FBXO10: variants seen among roughly 807,000 people sequenced by gnomAD.
The protein encoded by FBXO10 is F-box protein 10.
In FBXO10, 39 loss-of-function variants were observed where a neutral mutation model predicts 80.7. That is an observed-to-expected ratio of 0.48 (90% CI 0.37 to 0.63). The LOEUF (loss-of-function observed/expected upper bound fraction) is 0.63, where lower values mean the gene tolerates loss of function less well. Among genes scored for constraint, FBXO10 ranks in the 30% least tolerant of loss-of-function variants. The probability of loss-of-function intolerance (pLI) is 0.00; values close to 1 mark genes in which losing one functional copy is unlikely to be tolerated. For missense variants in FBXO10, 1,025 were observed against 1,269.0 expected (o/e 0.81, Z 2.92); for synonymous variants, 449 against 489.6 (o/e 0.92, Z 1.09).
rs761913365 is a variant in FBXO10, at chr9:37,512,659, C to A, written c.2759G>T (p.Arg920Leu). ...CTGCCCATTGTGGGCTGCCGAGGGA[C>A]GTCTGAGAGAATTTTCAAGGTGGGG... ...ARPHLENSLR[R>L]PSAAHNGQKV... The change falls in exon 11 of 11, where the codon CGT (arginine) becomes CTT (leucine). Residue 920 changes from arginine to leucine, a missense_variant. Physicochemically the swap from Arg to Leu is moderately radical, Grantham distance 102. Around this residue, in one of 3 missense-constraint regions of FBXO10, gnomAD observed 97 missense variants for 101.8 expected, o/e 0.95. Coordinates refer to ENST00000432825, the MANE Select transcript of FBXO10 (RefSeq NM_012166.3). The A allele has an allele frequency of 3.1e-6, 5 of 1,613,848 alleles. No homozygotes were observed. The highest frequency in any genetic ancestry group is 2.7e-5 in the African/African-American group (2 of 74,910).
At chr9:37,575,145 G>A (rs1822861525) in intron 1 of FBXO10, among the ~76,000 whole-genome samples, 1 of 150,270 alleles carries the variant, frequency 6.7e-6, no homozygotes, top group Non-Finnish European at 1.5e-5. Context: ...TTTTTTTTTC[G>A]GTGGCTACAC....
chr9:37,542,490 G>A, intron 1 of FBXO10, among the ~76,000 whole-genome samples: 1 of 151,542 alleles, frequency 6.6e-6, no homozygotes, highest in East Asian at 2.0e-4. Flanking sequence ...AGCTACTTGG[G>A]AGTCTGAGGC....
Position 37,541,305 on chromosome 9 carries a change from A to C in FBXO10, c.464T>G (p.Ile155Ser). ...GEIILKVPVE[I>S]VGQGKLGEVA... is the part of the protein sequence containing the mutation. ...TTCACCCAACTTCCCCTGCCCTACA[A>C]TCTCCACAGGCACCTTCAAGATGAT... Residue 155 changes from isoleucine (I) to serine (S), a missense_variant, in exon 2 of 11, where the codon ATT (isoleucine) becomes AGT (serine). Coordinates refer to ENST00000432825, the MANE Select transcript of FBXO10 (RefSeq NM_012166.3). The C allele has an allele frequency of 6.2e-7, 1 of 1,613,920 alleles. No homozygotes were observed. Among genetic ancestry groups the C allele is most frequent in the Non-Finnish European group, 8.5e-7 (1 of 1,179,864 alleles).
At chr9:37,516,129 G>A (rs1324332950) in intron 9 of FBXO10, 44 bp from the exon 10 acceptor site, 1 of 1,579,066 alleles carries the variant, frequency 6.3e-7, no homozygotes, top group Non-Finnish European at 8.6e-7. Context: ...GGGATTCACA[G>A]ACTGAGTGGG....
intron 7 of FBXO10, chr9:37,522,550 T>C (rs2119067824): frequency 5.8e-6 from 7 of 1,206,346 alleles, no homozygotes; most frequent in Non-Finnish European, 7.2e-6. Context: ...GAAATGGTCC[T>C]GTCCTTAAGA....
rs184096139 is a variant in FBXO10, at chr9:37,523,375, T to A, written c.1778-398A>T. Among the ~76,000 whole-genome samples the A allele has an allele frequency of 2.8e-5, 4 of 142,576 alleles. No homozygotes were observed. In the Admixed American group the frequency reaches 2.9e-4, roughly 10 times the overall value. 93.5% of individuals were successfully genotyped at this position (142,576 alleles called of 152,430 possible). A position where few individuals can be genotyped will look rare whatever the true frequency, so the allele number is the denominator to read the frequency against. On this transcript the variant is annotated intron_variant, in intron 6 of 10. Coordinates refer to ENST00000432825, the MANE Select transcript of FBXO10 (RefSeq NM_012166.3). The stretch of plus-strand genomic sequence containing the variant: ...GACCATCCTGGGCAAAATGGGGAAA[T>A]CCTGTCTCTAAAAAAAAATACAAAA...
At chr9:37,524,426 G>C (rs972078049) in intron 6 of FBXO10, among the ~76,000 whole-genome samples, 7 of 152,206 alleles carry the variant, frequency 4.6e-5, no homozygotes, top group Admixed American at 2.0e-4. Context: ...AACACGGCCT[G>C]TATACCACAC....
chr9:37,525,058 G>A, intron 6 of FBXO10, 44 bp downstream of exon 6: 1 of 1,523,352 alleles, frequency 6.6e-7, no homozygotes, highest in African/African-American at 1.4e-5. Flanking sequence ...GACGCCAGGG[G>A]ACCTTGGCCT....
intron 1 of FBXO10, among the ~76,000 whole-genome samples, chr9:37,559,042 C>T (rs997242823): frequency 6.6e-6 from 1 of 152,164 alleles, no homozygotes. Flanking sequence ...CTCCTGACCT[C>T]AGGTGATCCG....
chr9:37,525,234 G>A (rs1821439817), intron 5 of FBXO10, 62 bp from the exon 6 acceptor site: 1 of 1,453,002 alleles, frequency 6.9e-7, no homozygotes. Flanking sequence ...ATGCTTCCAG[G>A]AGACTGCCTT....
At chr9:37,545,229 T>G (rs1468527615) in intron 1 of FBXO10, among the ~76,000 whole-genome samples, 3 of 128,806 alleles carry the variant, frequency 2.3e-5, no homozygotes, top group Non-Finnish European at 4.6e-5. Flanking sequence ...CAGACTGGAG[T>G]GCAGTGGTGC....
rs894948239 is a variant in FBXO10, at chr9:37,511,455, A to G, written c.*1092T>C. 2.6e-5 allele frequency: 4 copies of G among 153,152 alleles called. No individual in the cohort carries two copies. The highest frequency in any genetic ancestry group is 7.2e-5 in the African/African-American group (3 of 41,466). 9.5% of individuals were successfully genotyped at this position (153,152 alleles called of 1,614,324 possible). Reference sequence around the variant, plus strand: ...AAGTGGCCCTACCTACGGGGAGCACACAGGTGAGTGGGGGGTCAGGCAATG... The same window carrying G: ...AAGTGGCCCTACCTACGGGGAGCACGCAGGTGAGTGGGGGGTCAGGCAATG... On this transcript the variant is annotated 3_prime_UTR_variant, in exon 11 of 11. Coordinates refer to ENST00000432825, the MANE Select transcript of FBXO10 (RefSeq NM_012166.3).
At chr9:37,535,371 C>CG (rs57955811) in intron 3 of FBXO10, among the ~76,000 whole-genome samples, 12,372 of 150,742 alleles carry the variant, frequency 0.082, 541 homozygotes, top group South Asian at 0.12. Flanking sequence ...TTTTTGGAGA[C>CG]GGAGTCTTGC....
chr9:37,522,952 C>A lies in FBXO10; in HGVS notation c.1803G>T (p.Trp601Cys). ...CTCCACGGCGGATGTCCACACCTCC[C>A]CACTGATTCTCACGGATGACATTTT... Reference protein sequence around the residue: ...ITENVIRENQWGGVDIRRGGI... With the variant: ...ITENVIRENQCGGVDIRRGGI... Residue 601 changes from tryptophan (W) to cysteine (C), a missense_variant, in exon 7 of 11, where the codon TGG (tryptophan) becomes TGT (cysteine). By Grantham distance (215) the Trp-to-Cys change is radical. Around this residue, in one of 3 missense-constraint regions of FBXO10, gnomAD observed 478 missense variants for 667.8 expected, o/e 0.72. Coordinates refer to ENST00000432825, the MANE Select transcript of FBXO10 (RefSeq NM_012166.3). 2 of 1,594,596 alleles carry A rather than the reference C, an allele frequency of 1.3e-6. No homozygotes were observed. Among genetic ancestry groups the A allele is most frequent in the Non-Finnish European group, 1.7e-6 (2 of 1,170,932 alleles).
At chr9:37,519,927 A>G (rs924694685) in intron 8 of FBXO10, among the ~76,000 whole-genome samples, 6 of 152,084 alleles carry the variant, frequency 3.9e-5, no homozygotes, top group Admixed American at 6.6e-5. Context: ...GAGCTCAAGC[A>G]TCCTCCTACT....
At chr9:37,543,989 G>A (rs112225665) in intron 1 of FBXO10, among the ~76,000 whole-genome samples, 1,884 of 152,286 alleles carry the variant, frequency 0.012, 54 homozygotes, top group African/African-American at 0.042. Flanking sequence ...AAATTTGGCT[G>A]GCTGCAGTGG....
At chr9:37,520,108 T>C (rs975890134) in intron 8 of FBXO10, among the ~76,000 whole-genome samples, 2 of 150,498 alleles carry the variant, frequency 1.3e-5, no homozygotes, top group Admixed American at 1.3e-4. Flanking sequence ...GTGTTAGGGT[T>C]ACAGGTGTGA....
chr9:37,538,264 G>T lies in FBXO10; in HGVS notation c.586-321C>A, dbSNP rs912444475. On this transcript the variant is annotated intron_variant, in intron 2 of 10. Coordinates refer to ENST00000432825, the MANE Select transcript of FBXO10 (RefSeq NM_012166.3). ...AAGTCTCAATCACGTGCCAGGGCTA[G>T]GACAGGCAGTGAGAGAGGCCTAGCC... is the stretch of plus-strand genomic sequence containing the variant. 2.6e-5 allele frequency among the ~76,000 whole-genome samples: 4 copies of T among 152,190 alleles called. No individual in the cohort carries two copies. The East Asian group carries it at 7.7e-4, about 29-fold the overall frequency.
chr9:37,538,088 G>A, intron 2 of FBXO10, 145 bp from the exon 3 acceptor site: 1 of 655,916 alleles, frequency 1.5e-6, no homozygotes, highest in Non-Finnish European at 2.6e-6. Flanking sequence ...GATGTCAGCT[G>A]TCCCCAAAAG....
Sources: gnomAD v4.1 joint callset for allele counts (sites outside exome capture counted in the v4.1 genomes callset) on GRCh38, gnomAD v4.1.1 for gene constraint, gnomAD v4.1.1 regional missense constraint, MANE v1.5 for transcripts, NCBI Gene and HGNC (gene_info 2026-07-23, HGNC 2026-07-21) for gene names.